The following UNC5D variants were observed in gnomAD, a reference collection of about 807,000 sequenced individuals.
UNC5D encodes the protein unc-5 netrin receptor D.
UNC5D carries 39 observed loss-of-function variants against 105.4 expected under a neutral mutation model. The observed-to-expected ratio is 0.37, with a 90% CI of 0.29 to 0.48. The LOEUF is 0.48. Ranked by LOEUF, UNC5D falls within the 20% of genes least tolerant of loss-of-function variation. UNC5D has a pLI of 0.98. For missense variants in UNC5D, 991 were observed against 1,202.4 expected, an observed-to-expected ratio of 0.82 and a Z score of 2.60; for synonymous variants, 452 against 450.4, an observed-to-expected ratio of 1.00 and a Z score of -0.04.
At chr8:35,442,553 A>G (rs529095973) in intron 1 of UNC5D, among the ~76,000 whole-genome samples, 1 of 151,990 alleles carries the variant, frequency 6.6e-6, no homozygotes, top group African/African-American at 2.4e-5. Flanking sequence ...TTAAAAAACA[A>G]AGCTCAAGTC....
chr8:35,723,811 G>C (rs562276736), intron 9 of UNC5D, among the ~76,000 whole-genome samples: 140 of 152,260 alleles, frequency 9.2e-4, no homozygotes, highest in Middle Eastern at 3.4e-3. Flanking sequence ...AGCTGTATTA[G>C]TGTGAGAGAC....
At position 35,728,240 on chromosome 8, in the gene UNC5D, CCTT is replaced by C. The variant is rs774567444; in HGVS notation, c.1681+1714_1681+1716del. On this transcript the variant is annotated intron_variant, in intron 10 of 16. Coordinates refer to ENST00000404895, the MANE Select transcript of UNC5D (RefSeq NM_080872.4). ...ATTAGTTGATAAACTGCCCATTACT[CCTT>C]CTCTCTCTTTGCATCCTCCTTTCTT... Among the ~76,000 whole-genome samples, 6 of 151,914 alleles carry C rather than the reference CCTT, an allele frequency of 3.9e-5. No individual in the cohort carries two copies. The East Asian group carries it at 7.7e-4, about 20-fold the overall frequency.
intron 11 of UNC5D, among the ~76,000 whole-genome samples, chr8:35,735,555 G>A (rs1489534415): frequency 1.3e-5 from 2 of 152,212 alleles, no homozygotes; most frequent in Non-Finnish European, 2.9e-5. Context: ...AGAAGGTAGA[G>A]GTGGTGGTAA....
chr8:35,445,743 A>C (rs1807739817), intron 1 of UNC5D, among the ~76,000 whole-genome samples: 1 of 152,024 alleles, frequency 6.6e-6, no homozygotes, highest in East Asian at 1.9e-4. Context: ...TTCGGGAGGA[A>C]CCCATCAGCA....
intron 1 of UNC5D, among the ~76,000 whole-genome samples, chr8:35,516,086 A>G (rs1813075841): frequency 6.6e-6 from 1 of 152,062 alleles, no homozygotes; most frequent in African/African-American, 2.4e-5. Flanking sequence ...CTACTTATTT[A>G]TCACACTTAA....
intron 11 of UNC5D, among the ~76,000 whole-genome samples, chr8:35,733,001 ACTG>A (rs1156496312): frequency 6.6e-6 from 1 of 152,026 alleles, no homozygotes; most frequent in Non-Finnish European, 1.5e-5. Context: ...TTCTGTGTCT[ACTG>A]CTGTCTAGGA....
chr8:35,641,366 C>CAAAAAAAAAAAAAAAAAAGAAAAA (rs1822707866), intron 4 of UNC5D, among the ~76,000 whole-genome samples: 2 of 44,292 alleles, frequency 4.5e-5, no homozygotes, highest in African/African-American at 1.7e-4. Flanking sequence ...AAAAATAAAG[C>CAAAAAAAAAAAAAAAAAAGAAAAA]AAAAAAAAAA....
chr8:35,250,893 C>G (rs897463169), intron 1 of UNC5D, among the ~76,000 whole-genome samples: 1 of 152,040 alleles, frequency 6.6e-6, no homozygotes, highest in African/African-American at 2.4e-5. Flanking sequence ...GTGTGTAGGT[C>G]CCATTTATAA....
chr8:35,705,663 T>C (rs1827526823), intron 7 of UNC5D, among the ~76,000 whole-genome samples: 1 of 152,096 alleles, frequency 6.6e-6, no homozygotes, highest in Non-Finnish European at 1.5e-5. Context: ...ATCTAGCAAA[T>C]GCAACAGAGA....
intron 1 of UNC5D, among the ~76,000 whole-genome samples, chr8:35,428,720 C>T (rs1351169661): frequency 6.6e-6 from 1 of 151,922 alleles, no homozygotes; most frequent in African/African-American, 2.4e-5. Flanking sequence ...AGGACTTATC[C>T]AACAGGGTTT....
chr8:35,323,523 A>C (rs1244283553), intron 1 of UNC5D, among the ~76,000 whole-genome samples: 1 of 152,056 alleles, frequency 6.6e-6, no homozygotes, highest in East Asian at 1.9e-4. Flanking sequence ...AAAAATATAC[A>C]TTTCTTTCAA....
chr8:35,772,253 A>C (rs949850110), intron 15 of UNC5D, among the ~76,000 whole-genome samples: 2 of 152,186 alleles, frequency 1.3e-5, no homozygotes, highest in African/African-American at 4.8e-5. Context: ...TCCTTTTGGA[A>C]CTGGTGGATT....
At chr8:35,372,615 T>C (rs1192179862) in intron 1 of UNC5D, among the ~76,000 whole-genome samples, 5 of 149,152 alleles carry the variant, frequency 3.4e-5, no homozygotes, top group African/African-American at 1.3e-4. Flanking sequence ...TTTTTTTTTC[T>C]TTTCAAGAGA....
chr8:35,705,922 CTTTT>C lies in UNC5D; in HGVS notation c.1085-6_1085-3del. 7.6e-7 allele frequency: 1 copy of C among 1,324,050 alleles called. No homozygotes were observed. The highest frequency in any genetic ancestry group is 1.1e-6 in the Non-Finnish European group (1 of 946,076). 82.0% of individuals were successfully genotyped at this position (1,324,050 alleles called of 1,614,324 possible). On this transcript the variant is annotated splice_region_variant and splice_polypyrimidine_tract_variant and intron_variant, in intron 7 of 16. Transcript: ENST00000404895. ...CAACTTTCTTTTTCTTTCTTTCTTT[CTTTT>C]AGATAAAAAACCTCTTCATGAAATA...
intron 1 of UNC5D, among the ~76,000 whole-genome samples, chr8:35,548,794 A>G (rs1412483761): frequency 1.3e-5 from 2 of 152,212 alleles, no homozygotes; most frequent in African/African-American, 2.4e-5. Flanking sequence ...CCACCATTTC[A>G]TAGGTAAAGA....
chr8:35,738,821 G>T (rs997872768), intron 11 of UNC5D, among the ~76,000 whole-genome samples: 2 of 152,296 alleles, frequency 1.3e-5, no homozygotes, highest in Non-Finnish European at 2.9e-5. Context: ...GGCTTTTCTT[G>T]CTAGCAATGG....
At chr8:35,642,423 GCAA>G (rs1280687973) in intron 4 of UNC5D, among the ~76,000 whole-genome samples, 2 of 151,964 alleles carry the variant, frequency 1.3e-5, no homozygotes, top group African/African-American at 4.8e-5. Flanking sequence ...CAAACAAATA[GCAA>G]CAACATGATA....
Position 35,790,375 on chromosome 8 carries a change from G to C in UNC5D, c.2674G>C (p.Ala892Pro). Reference sequence around the variant, plus strand: ...TCCATCTAGGAATTTATCTTATTTCGCTACACAAAGTAGCCCATCTGCTGT... The same window carrying C: ...TCCATCTAGGAATTTATCTTATTTCCCTACACAAAGTAGCCCATCTGCTGT... Reference protein sequence around the residue: ...NSINRNLSYFATQSSPSAVIL... With the variant: ...NSINRNLSYFPTQSSPSAVIL... The change falls in exon 17 of 17, where the codon GCT becomes CCT. Residue 892 changes from alanine (A) to proline (P), a missense_variant. Transcript: ENST00000404895. 1 of 1,613,134 alleles carries C rather than the reference G, an allele frequency of 6.2e-7. No homozygotes were observed. Among genetic ancestry groups the C allele is most frequent in the South Asian group, 1.1e-5 (1 of 91,046 alleles).
intron 3 of UNC5D, among the ~76,000 whole-genome samples, chr8:35,569,250 T>G (rs1023227580): frequency 1.3e-5 from 2 of 152,148 alleles, no homozygotes; most frequent in South Asian, 2.1e-4. Flanking sequence ...TCCACCTCCA[T>G]GGATCCCCAT....
Sources: gnomAD v4.1 joint callset for allele counts (sites outside exome capture counted in the v4.1 genomes callset) on GRCh38, gnomAD v4.1.1 for gene constraint, MANE v1.5 for transcripts, NCBI Gene and HGNC (gene_info 2026-07-23, HGNC 2026-07-21) for gene names.